The following SPATS2L variants were observed in gnomAD, a reference collection of about 807,000 sequenced individuals.
SPATS2L encodes SPATS2-like protein.
SPATS2L carries 30 observed loss-of-function variants against 59.6 expected under a neutral mutation model. That is an observed-to-expected ratio of 0.50 (90% CI 0.38 to 0.68). The LOEUF (loss-of-function observed/expected upper bound fraction) is 0.68. SPATS2L is among the 30% of genes least tolerant of loss of function. The pLI is 0.00. For synonymous variants in SPATS2L, 252 were observed against 263.5 expected, an observed-to-expected ratio of 0.96 and a Z score of 0.42; for missense variants, 615 against 700.0, an observed-to-expected ratio of 0.88 and a Z score of 1.37.
chr2:200,434,480 A>C (rs1488570456), intron 6 of SPATS2L, among the ~76,000 whole-genome samples: 1 of 152,018 alleles, frequency 6.6e-6, no homozygotes, highest in Non-Finnish European at 1.5e-5. Context: ...TAAGAAATCT[A>C]CAAAAAAAAA....
intron 1 of SPATS2L, among the ~76,000 whole-genome samples, chr2:200,310,878 A>C (rs2079171643): frequency 6.6e-6 from 1 of 152,116 alleles, no homozygotes; most frequent in South Asian, 2.1e-4. Context: ...CTTCAAGTTC[A>C]AGTCAGCCTG....
At chr2:200,342,140 C>T (rs2080352589) in intron 2 of SPATS2L, among the ~76,000 whole-genome samples, 2 of 152,116 alleles carry the variant, frequency 1.3e-5, no homozygotes, top group Non-Finnish European at 1.5e-5. Flanking sequence ...ATACCATGGA[C>T]TTATCACTAA....
chr2:200,387,978 G>A (rs2082044224), intron 2 of SPATS2L, among the ~76,000 whole-genome samples: 2 of 152,060 alleles, frequency 1.3e-5, no homozygotes, highest in African/African-American at 4.8e-5. Context: ...CTTCTCAGAG[G>A]GGGCCACTTT....
intron 2 of SPATS2L, among the ~76,000 whole-genome samples, chr2:200,372,963 C>CT (rs1188979891): frequency 6.6e-6 from 1 of 152,134 alleles, no homozygotes; most frequent in African/African-American, 2.4e-5. Flanking sequence ...CAGGTGCCCA[C>CT]TAAGTGCTAA....
At chr2:200,444,805 CCTG>C (rs1457772535) in intron 8 of SPATS2L, among the ~76,000 whole-genome samples, 1 of 152,082 alleles carries the variant, frequency 6.6e-6, no homozygotes, top group African/African-American at 2.4e-5. Context: ...GGGTGAACCT[CCTG>C]CTGCCCCATA....
At chr2:200,364,420 A>G (rs2081202802) in intron 2 of SPATS2L, among the ~76,000 whole-genome samples, 1 of 151,086 alleles carries the variant, frequency 6.6e-6, no homozygotes, top group African/African-American at 2.5e-5. Flanking sequence ...CCGCCTTGCC[A>G]GCGTTCAGAC....
intron 1 of SPATS2L, chr2:200,309,053 A>G (rs1481222570): frequency 1.4e-6 from 1 of 717,908 alleles, no homozygotes; most frequent in Non-Finnish European, 2.6e-6. Context: ...CTTTGATTGC[A>G]TGCCAGTCTG....
intron 8 of SPATS2L, among the ~76,000 whole-genome samples, chr2:200,441,749 CA>C (rs1344204310): frequency 6.6e-6 from 1 of 152,126 alleles, no homozygotes; most frequent in African/African-American, 2.4e-5. Context: ...TCTGAAATAG[CA>C]AAAGTCCAAA....
intron 6 of SPATS2L, among the ~76,000 whole-genome samples, chr2:200,425,457 G>A (rs771867637): frequency 2.0e-5 from 3 of 152,132 alleles, no homozygotes; most frequent in East Asian, 1.9e-4. Context: ...GGGCTTTAGC[G>A]TTAGACATGT....
intron 8 of SPATS2L, among the ~76,000 whole-genome samples, chr2:200,458,715 C>G (rs574588025): frequency 6.8e-6 from 1 of 146,978 alleles, no homozygotes; most frequent in East Asian, 2.0e-4. Flanking sequence ...TGTTTAGATC[C>G]TGGTTTTAAC....
intron 8 of SPATS2L, among the ~76,000 whole-genome samples, chr2:200,446,778 A>T (rs1265424594): frequency 6.6e-6 from 1 of 152,188 alleles, no homozygotes; most frequent in African/African-American, 2.4e-5. Context: ...GGAGATATGA[A>T]AGAGGGACTT....
intron 8 of SPATS2L, among the ~76,000 whole-genome samples, chr2:200,445,059 G>A (rs1407654668): frequency 6.6e-6 from 1 of 152,164 alleles, no homozygotes; most frequent in Non-Finnish European, 1.5e-5. Flanking sequence ...GCAGGGCAAG[G>A]TGGAACACAC....
chr2:200,409,133 T>G (rs2082786394), intron 3 of SPATS2L, among the ~76,000 whole-genome samples: 2 of 152,206 alleles, frequency 1.3e-5, no homozygotes, highest in Admixed American at 1.3e-4. Flanking sequence ...AAAGGCTGTG[T>G]GAAGCTGCGC....
chr2:200,416,509 A>G (rs906588574), intron 5 of SPATS2L, 81 bp downstream of exon 5: 3 of 791,790 alleles, frequency 3.8e-6, no homozygotes, highest in Admixed American at 3.8e-5. Flanking sequence ...AAGGCTGCCA[A>G]TTTTTTGCTT....
At chr2:200,392,369 G>A (rs902364202) in intron 3 of SPATS2L, among the ~76,000 whole-genome samples, 3 of 152,180 alleles carry the variant, frequency 2.0e-5, no homozygotes, top group African/African-American at 7.2e-5. Context: ...GTTTGGGGTG[G>A]TGAACCCAGA....
chr2:200,364,928 T>C (rs946261540), intron 2 of SPATS2L, among the ~76,000 whole-genome samples: 4 of 152,198 alleles, frequency 2.6e-5, no homozygotes, highest in Non-Finnish European at 5.9e-5. Context: ...TGTTTTCTTA[T>C]TTTTGCTTTG....
rs2081355171 is a variant in SPATS2L at position 200,369,289 on chromosome 2, G to A, written c.-22-19934G>A. ...TTCTCCTGCCTCAGCCTCCTGGATA[G>A]CTAGGATTACAGGTTTGCACCACCA... On this transcript the variant is annotated intron_variant, in intron 2 of 12. Coordinates refer to ENST00000409140, the MANE Select transcript of SPATS2L (RefSeq NM_001100423.2). Among the ~76,000 whole-genome samples, 3 of 152,148 alleles carry A rather than the reference G, an allele frequency of 2.0e-5. No homozygotes were observed. In the South Asian group the frequency reaches 6.2e-4, roughly 32 times the overall value.
rs1047369451 is a variant in SPATS2L at position 200,480,051 on chromosome 2, A to C, written c.*2020A>C. ...AAGGATTTTGCACAGTTTTTTATGTAGCAAGATTTTGCTCACCACTGAAAA... is the reference window on the plus strand; with the variant it reads ...AAGGATTTTGCACAGTTTTTTATGTCGCAAGATTTTGCTCACCACTGAAAA... On this transcript the variant is annotated 3_prime_UTR_variant, in exon 13 of 13. Coordinates refer to ENST00000409140, the MANE Select transcript of SPATS2L (RefSeq NM_001100423.2). The C allele has an allele frequency of 1.9e-5, 5 of 263,526 alleles. No homozygotes were observed. Among genetic ancestry groups the C allele is most frequent in the African/African-American group, 1.1e-4 (5 of 46,020 alleles). 16.3% of individuals were successfully genotyped at this position (263,526 alleles called of 1,614,324 possible). A position where few individuals can be genotyped will look rare whatever the true frequency, so the allele number is the denominator to read the frequency against.
intron 9 of SPATS2L, 63 bp downstream of exon 9, chr2:200,459,890 A>G (rs2086115230): frequency 1.6e-6 from 2 of 1,235,276 alleles, no homozygotes; most frequent in Non-Finnish European, 1.2e-6. Context: ...TCCATAGGTC[A>G]GACTGACAAT....
Sources: allele counts gnomAD v4.1 joint callset (sites outside exome capture counted in the v4.1 genomes callset), GRCh38; gene constraint gnomAD v4.1.1; transcripts MANE v1.5; gene names NCBI Gene and HGNC (gene_info 2026-07-23, HGNC 2026-07-21).